The following SNX13 variants were observed in gnomAD, a reference collection of about 807,000 sequenced individuals.
SNX13 encodes the protein sorting nexin-13.
Under a neutral mutation model 133.6 loss-of-function variants are expected in SNX13, and 45 were observed. The ratio of observed to expected loss-of-function variants is 0.34; its 90% CI spans 0.27 to 0.43. The LOEUF (loss-of-function observed/expected upper bound fraction) is 0.43, where lower values mean the gene tolerates loss of function less well. Ranked by LOEUF, SNX13 falls within the 20% of genes least tolerant of loss-of-function variation. The pLI is 1.00. For synonymous variants in SNX13, 414 were observed against 373.9 expected (o/e 1.11, Z -1.24); for missense variants, 1,032 against 1,145.1 (o/e 0.90, Z 1.43).
intron 5 of SNX13, chr7:17,888,766 G>T: frequency 2.1e-6 from 1 of 470,216 alleles, no homozygotes. Flanking sequence ...TGAATAAGAT[G>T]AATTTTGATC....
At chr7:17,846,364 G>GT (rs1280483304) in intron 11 of SNX13, among the ~76,000 whole-genome samples, 2 of 152,118 alleles carry the variant, frequency 1.3e-5, no homozygotes, top group African/African-American at 2.4e-5. Context: ...TGTTGGATAT[G>GT]TATCACCACG....
At chr7:17,875,612 T>C (rs1794640734) in intron 6 of SNX13, 31 bp from the exon 7 acceptor site, 1 of 1,608,526 alleles carries the variant, frequency 6.2e-7, no homozygotes, top group East Asian at 2.2e-5. Flanking sequence ...ATATATAAAA[T>C]GATGAAAGGA....
chr7:17,845,836 AG>A (rs1305231595), intron 11 of SNX13, 142 bp from the exon 12 acceptor site: 2 of 527,888 alleles, frequency 3.8e-6, no homozygotes, highest in Non-Finnish European at 6.7e-6. Flanking sequence ...GTTTCCCAAT[AG>A]ATATACATTG....
intron 20 of SNX13, 110 bp from the exon 21 acceptor site, chr7:17,803,690 C>G (rs1784878426): frequency 4.2e-6 from 4 of 956,434 alleles, no homozygotes; most frequent in Non-Finnish European, 6.0e-6. Context: ...CAGTAATTTT[C>G]TGGTCTATAT....
chr7:17,937,099 TA>T (rs1350411672), intron 1 of SNX13, among the ~76,000 whole-genome samples: 1 of 147,384 alleles, frequency 6.8e-6, no homozygotes, highest in Non-Finnish European at 1.5e-5. Context: ...AATACATACA[TA>T]AATATGACTA....
In SNX13 at chr7:17,805,254, T is replaced by TGCGTGCGCGCGCGCGC. The variant is rs1554304326; in HGVS notation, c.2065-1675_2065-1674insGCGCGCGCGCGCACGC. On this transcript the variant is annotated intron_variant, in intron 20 of 25. Coordinates refer to ENST00000428135, the MANE Select transcript of SNX13 (RefSeq NM_015132.5). Reference sequence around the variant, plus strand: ...GTGTGTGTGTGTGTGTGTGTGTGCGTGCGCGCGCGCGCATGCATGCACATG... The same window carrying TGCGTGCGCGCGCGCGC: ...GTGTGTGTGTGTGTGTGTGTGTGCGTGCGTGCGCGCGCGCGCGCGCGCGCGCGCATGCATGCACATG... 4.0e-4 allele frequency among the ~76,000 whole-genome samples: 53 copies of TGCGTGCGCGCGCGCGC among 132,524 alleles called. 1 individual carries two copies. Among genetic ancestry groups the TGCGTGCGCGCGCGCGC allele is most frequent in the South Asian group, 1.3e-3 (5 of 3,950 alleles). The allele number at this position is 132,524 out of a possible 152,430, so 86.9% of individuals were successfully genotyped here. A position where few individuals can be genotyped will look rare whatever the true frequency, so the allele number is the denominator to read the frequency against.
At chr7:17,906,802 A>C (rs1798449589) in intron 1 of SNX13, among the ~76,000 whole-genome samples, 1 of 152,202 alleles carries the variant, frequency 6.6e-6, no homozygotes, top group South Asian at 2.1e-4. Flanking sequence ...AGAAGAGCCA[A>C]AGGTCAGTTC....
At chr7:17,888,463 T>C (rs1796258553) in intron 5 of SNX13, 1 of 215,304 alleles carries the variant, frequency 4.6e-6, no homozygotes, top group African/African-American at 2.4e-5. Context: ...ATAAATAACC[T>C]AGATTATAAA....
At chr7:17,808,923 A>G (rs368022225) in intron 20 of SNX13, among the ~76,000 whole-genome samples, 64 of 152,310 alleles carry the variant, frequency 4.2e-4, no homozygotes, top group Non-Finnish European at 7.5e-4. Flanking sequence ...TTTTGTCACC[A>G]CCAGGCCTGC....
chr7:17,821,768 G>A, intron 17 of SNX13, 120 bp from the exon 18 acceptor site: 1 of 1,144,778 alleles, frequency 8.7e-7, no homozygotes, highest in South Asian at 1.8e-5. Flanking sequence ...ATGAAATGAA[G>A]AAGAATCTGA....
chr7:17,829,886 C>A, intron 16 of SNX13, 124 bp downstream of exon 16: 1 of 582,406 alleles, frequency 1.7e-6, no homozygotes, highest in Non-Finnish European at 2.7e-6. Flanking sequence ...AGCATAATAA[C>A]TTTTTACAAT....
At chr7:17,832,299 T>C (rs1788591482) in intron 15 of SNX13, 1 of 984,586 alleles carries the variant, frequency 1.0e-6, no homozygotes, top group Non-Finnish European at 1.2e-6. Flanking sequence ...GCTAGAAAGA[T>C]ATGAATGGAA....
intron 5 of SNX13, among the ~76,000 whole-genome samples, chr7:17,885,289 C>A: frequency 8.7e-6 from 1 of 114,332 alleles, no homozygotes; most frequent in East Asian, 2.7e-4. Context: ...TAGGCAAATC[C>A]ATAGAGACAA....
rs145038716 is a variant in SNX13 at position 17,926,783 on chromosome 7, G to A, written c.12+13501C>T. On this transcript the variant is annotated intron_variant, in intron 1 of 25. Transcript: ENST00000428135. ...TGCCTGTAGTCCCAGCTACTTGGGG[G>A]GCTGAGGCAGGAGGATCACTTGAGC... Among the ~76,000 whole-genome samples, 739 of 152,252 alleles carry A rather than the reference G, an allele frequency of 4.9e-3. 8 individuals are homozygous for A. The highest frequency in any genetic ancestry group is 0.017 in the African/African-American group (692 of 41,544).
intron 5 of SNX13, 76 bp from the exon 6 acceptor site, chr7:17,875,866 TGACA>T (rs1410992455): frequency 7.6e-6 from 9 of 1,187,332 alleles, no homozygotes; most frequent in Non-Finnish European, 9.3e-6. Context: ...TAATGACTAC[TGACA>T]AACAACATGA....
chr7:17,893,538 T>C (rs1796865550), intron 2 of SNX13, 104 bp from the exon 3 acceptor site: 4 of 709,910 alleles, frequency 5.6e-6, no homozygotes, highest in Non-Finnish European at 9.2e-6. Context: ...GGCTTATCAT[T>C]TACTAAAAAG....
chr7:17,864,738 TAAAG>T (rs1233838698), intron 9 of SNX13, among the ~76,000 whole-genome samples: 6 of 138,712 alleles, frequency 4.3e-5, no homozygotes, highest in East Asian at 2.1e-4. Flanking sequence ...CAAGGATAAA[TAAAG>T]AGTCCTAAAA....
At chr7:17,876,349 G>A (rs1176931059) in intron 5 of SNX13, among the ~76,000 whole-genome samples, 1 of 152,210 alleles carries the variant, frequency 6.6e-6, no homozygotes, top group Non-Finnish European at 1.5e-5. Flanking sequence ...GGGAGGCTGA[G>A]GCAGGAGGAT....
chr7:17,843,375 A>G (rs907081554), intron 12 of SNX13, among the ~76,000 whole-genome samples: 1 of 152,074 alleles, frequency 6.6e-6, no homozygotes, highest in Non-Finnish European at 1.5e-5. Context: ...GCATAACAAA[A>G]TAATACAACA....
Sources: allele counts gnomAD v4.1 joint callset (sites outside exome capture counted in the v4.1 genomes callset), GRCh38; gene constraint gnomAD v4.1.1; transcripts MANE v1.5; gene names NCBI Gene and HGNC (gene_info 2026-07-23, HGNC 2026-07-21).